LINS1: variants seen among roughly 807,000 people sequenced by gnomAD.
The protein encoded by LINS1 is lines homolog 1, also known as protein Lines homolog 1.
In LINS1, 27 loss-of-function variants were observed where a neutral mutation model predicts 41.6. The observed-to-expected ratio is 0.65, with a 90% CI of 0.48 to 0.89. The LOEUF (loss-of-function observed/expected upper bound fraction) is 0.89, where lower values mean the gene tolerates loss of function less well. Among genes scored for constraint, LINS1 ranks in the 40% least tolerant of loss-of-function variants. The pLI is 0.00. For synonymous variants in LINS1, 336 were observed against 312.9 expected, an observed-to-expected ratio of 1.07 and a Z score of -0.78; for missense variants, 955 against 884.1, an observed-to-expected ratio of 1.08 and a Z score of -1.02.
At chr15:100,593,017 T>C (rs937475517) in intron 1 of LINS1, among the ~76,000 whole-genome samples, 4 of 152,236 alleles carry the variant, frequency 2.6e-5, no homozygotes, top group Admixed American at 6.5e-5. Flanking sequence ...GGGATTTAAC[T>C]GACCACAATT....
At chr15:100,582,554 T>C (rs112205030) in intron 1 of LINS1, among the ~76,000 whole-genome samples, 30 of 126,416 alleles carry the variant, frequency 2.4e-4, no homozygotes, top group Middle Eastern at 5.2e-3. Context: ...GTCTACACTA[T>C]GGCCCACTAG....
chr15:100,569,151 T>C lies in LINS1; in HGVS notation c.*87A>G. 1.1e-6 allele frequency: 1 copy of C among 871,546 alleles called. No individual in the cohort carries two copies. Among genetic ancestry groups the C allele is most frequent in the Non-Finnish European group, 1.8e-6 (1 of 554,082 alleles). 54.0% of individuals were successfully genotyped at this position (871,546 alleles called of 1,614,324 possible). On this transcript the variant is annotated 3_prime_UTR_variant, in exon 7 of 7. Transcript: ENST00000314742. Reference sequence around the variant, plus strand: ...AAAAAAAAAAAAAAAGAAAACCCTTTTATGGTGATGATTTTATACTATTAC... The same window carrying C: ...AAAAAAAAAAAAAAAGAAAACCCTTCTATGGTGATGATTTTATACTATTAC...
chr15:100,587,182 A>AAG lies in LINS1; in HGVS notation c.-103-6238_-103-6237insCT, dbSNP rs1555434011. 6.3e-4 allele frequency among the ~76,000 whole-genome samples: 79 copies of AAG among 124,442 alleles called. 14 individuals are homozygous for AAG. Among genetic ancestry groups the AAG allele is most frequent in the Middle Eastern group, 5.9e-3 (1 of 170 alleles). The allele number at this position is 124,442 out of a possible 152,430, so 81.6% of individuals were successfully genotyped here. A position where few individuals can be genotyped will look rare whatever the true frequency, so the allele number is the denominator to read the frequency against. On this transcript the variant is annotated intron_variant, in intron 1 of 6. Transcript: ENST00000314742. ...TAAAAAAAAAAAAAAAAAAAAAAAA[A>AAG]CATTAGCAGTTTGGCAATTCTTTAA...
At chr15:100,591,570 A>G (rs2141347420) in intron 1 of LINS1, among the ~76,000 whole-genome samples, 1 of 152,360 alleles carries the variant, frequency 6.6e-6, no homozygotes, top group South Asian at 2.1e-4. Flanking sequence ...TTAAGACGTT[A>G]AGGAAACACA....
intron 1 of LINS1, among the ~76,000 whole-genome samples, chr15:100,598,704 C>T (rs1005985627): frequency 6.6e-6 from 1 of 152,230 alleles, no homozygotes; most frequent in South Asian, 2.1e-4. Flanking sequence ...CCAGCCCCAT[C>T]GCCTTTTCTG....
intron 5 of LINS1, chr15:100,573,387 T>C: frequency 7.9e-7 from 1 of 1,262,604 alleles, no homozygotes; most frequent in Non-Finnish European, 1.0e-6. Context: ...CATCACTTAC[T>C]TTGAGATGAC....
In LINS1 at chr15:100,569,512, C is replaced by A. The variant is rs767522358; in HGVS notation, c.2000G>T (p.Ser667Ile). 3 of 1,614,098 alleles carry A rather than the reference C, an allele frequency of 1.9e-6. No homozygotes were observed. The African/African-American group carries it at 4.0e-5, about 22-fold the overall frequency. ...TKEIQDAAGT[S>I]RDKKEFSLEP... ...AAGGCTAAATTCTTTTTTATCCCTG[C>A]TTGTCCCAGCTGCATCCTGAATCTC... The change falls in exon 7 of 7, where the codon AGC (serine) becomes ATC (isoleucine). Residue 667 changes from serine to isoleucine, a missense_variant. Coordinates refer to ENST00000314742, the MANE Select transcript of LINS1 (RefSeq NM_001040616.3).
intron 1 of LINS1, among the ~76,000 whole-genome samples, chr15:100,584,281 C>T (rs1274953523): frequency 9.3e-6 from 1 of 107,572 alleles, no homozygotes; most frequent in Non-Finnish European, 2.3e-5. Context: ...AATAAAAATA[C>T]TTCCAATAAT....
At chr15:100,573,336 A>G (rs1248563492) in intron 5 of LINS1, 4 of 1,155,108 alleles carry the variant, frequency 3.5e-6, no homozygotes, top group Admixed American at 8.4e-5. Flanking sequence ...AAGGATTAAT[A>G]TAAATAAAAT....
intron 1 of LINS1, among the ~76,000 whole-genome samples, chr15:100,593,917 T>C (rs1412615616): frequency 6.6e-6 from 1 of 152,242 alleles, no homozygotes; most frequent in Non-Finnish European, 1.5e-5. Flanking sequence ...TTTCAAAAGA[T>C]ACTCAGCAAC....
intron 1 of LINS1, among the ~76,000 whole-genome samples, chr15:100,601,875 C>T (rs931062055): frequency 2.6e-5 from 4 of 152,118 alleles, no homozygotes; most frequent in Admixed American, 6.5e-5. Flanking sequence ...AAAGAGAGTC[C>T]GTTCTCCCAC....
intron 1 of LINS1, among the ~76,000 whole-genome samples, chr15:100,591,803 G>A (rs2039050997): frequency 6.6e-6 from 1 of 152,168 alleles, no homozygotes; most frequent in African/African-American, 2.4e-5. Flanking sequence ...ACAGAGAGGG[G>A]CGAGAGTTCC....
intron 4 of LINS1, 71 bp downstream of exon 4, chr15:100,574,916 T>C (rs2038069343): frequency 6.7e-7 from 1 of 1,488,714 alleles, no homozygotes; most frequent in Admixed American, 1.7e-5. Context: ...AATTAAGTTT[T>C]GTTTCTCATT....
chr15:100,570,082 T>C lies in LINS1; in HGVS notation c.1430A>G (p.Lys477Arg), dbSNP rs762653801. 6.3e-7 allele frequency: 1 copy of C among 1,584,424 alleles called. No homozygotes were observed. Among genetic ancestry groups the C allele is most frequent in the Non-Finnish European group, 8.5e-7 (1 of 1,173,818 alleles). Residue 477 changes from lysine to arginine, a missense_variant, in exon 7 of 7, where the codon AAA (lysine) becomes AGA (arginine). Transcript: ENST00000314742. ...CEATESLTQG[K>R]EMWDHHTHEN... The stretch of plus-strand genomic sequence containing the variant: ...ATGTGTGTGATGGTCCCACATTTCT[T>C]TTCCCTGAGTCAAGCTTTCAGTGGC...
chr15:100,570,412 T>G, intron 6 of LINS1: 1 of 263,340 alleles, frequency 3.8e-6, no homozygotes, highest in Non-Finnish European at 7.3e-6. Flanking sequence ...AGGTAACCAA[T>G]TCCATGTGGT....
Position 100,571,969 on chromosome 15 carries a change from C to T in LINS1, c.1319G>A (p.Arg440Gln), listed in dbSNP as rs2037852912. Residue 440 changes from arginine to glutamine, a missense_variant, in exon 6 of 7, where the codon CGG becomes CAG. Transcript: ENST00000314742. ...QLHNPCKWLSRVFIEQDDDML... is the reference protein window; with the variant it reads ...QLHNPCKWLSQVFIEQDDDML... ...GTCATCGTCTTGTTCTATGAAAACC[C>T]GAGACAGCCATTTGCACGGATTGTG... The T allele has an allele frequency of 8.1e-6, 13 of 1,613,998 alleles. No individual in the cohort carries two copies. In the East Asian group the frequency reaches 1.1e-4, roughly 14 times the overall value.
chr15:100,587,160 A>AC, intron 1 of LINS1, among the ~76,000 whole-genome samples: 1 of 100,580 alleles, frequency 9.9e-6, no homozygotes, highest in East Asian at 2.2e-4. Context: ...TCTGTCTTAA[A>AC]AAAAAAAAAA....
Position 100,573,983 on chromosome 15 carries a change from C to T in LINS1, c.890G>A (p.Arg297Lys), listed in dbSNP as rs1266749117. 1.9e-6 allele frequency: 3 copies of T among 1,614,216 alleles called. No homozygotes were observed. The highest frequency in any genetic ancestry group is 2.2e-5 in the East Asian group (1 of 44,882). The change falls in exon 5 of 7, where the codon AGG becomes AAG. Residue 297 changes from arginine to lysine, a missense_variant. Transcript: ENST00000314742. ...ITWPIQAFVK[R>K]KVIIFLKKCL... ...CTTTTTGAGGAATATGATGACCTTC[C>T]TTTTAACAAAAGCCTGAATAGGCCA...
In LINS1 at chr15:100,574,150, AT is replaced by A; in HGVS notation, c.722del (p.Asp241ValfsTer5). On this transcript the variant is annotated frameshift_variant, in exon 5 of 7. Transcript: ENST00000314742. LOFTEE classifies it high-confidence loss of function. ...LFSQHFENCR[D>X]TSKIVNILMC... ...TCAGGATGTTTACTATTTTAGAAGT[AT>A]CCCGGCAGTTTTCAAAATGCTGAGA... 1 of 1,613,978 alleles carries A rather than the reference AT, an allele frequency of 6.2e-7. No individual in the cohort carries two copies.
Sources: gnomAD v4.1 joint callset for allele counts (sites outside exome capture counted in the v4.1 genomes callset) on GRCh38, gnomAD v4.1.1 for gene constraint, MANE v1.5 for transcripts, NCBI Gene and HGNC (gene_info 2026-07-23, HGNC 2026-07-21) for gene names.